The following MED12L variants were observed in gnomAD, a reference collection of about 807,000 sequenced individuals.
MED12L encodes the protein mediator complex subunit 12L.
MED12L carries 60 observed loss-of-function variants against 281.3 expected under a neutral mutation model. The observed-to-expected ratio is 0.21, with a 90% CI of 0.17 to 0.26. The LOEUF (loss-of-function observed/expected upper bound fraction) is 0.26. MED12L is among the 10% of genes least tolerant of loss of function. The probability of loss-of-function intolerance (pLI) is 1.00; values close to 1 mark genes in which losing one functional copy is unlikely to be tolerated. For synonymous variants in MED12L, 974 were observed against 987.2 expected (o/e 0.99, Z 0.25); for missense variants, 2,146 against 2,680.9 (o/e 0.80, Z 4.41).
At chr3:151,239,790 T>C (rs1371257488) in intron 16 of MED12L, among the ~76,000 whole-genome samples, 2 of 152,306 alleles carry the variant, frequency 1.3e-5, no homozygotes, top group Non-Finnish European at 2.9e-5. Flanking sequence ...TTGCTTGTTT[T>C]AGCACTCCAG....
intron 43 of MED12L, among the ~76,000 whole-genome samples, chr3:151,428,122 G>A (rs902358820): frequency 6.6e-6 from 1 of 152,178 alleles, no homozygotes; most frequent in Admixed American, 6.5e-5. Context: ...TGCATATTAG[G>A]AGTGTTTCTT....
At chr3:151,368,577 G>A (rs966021325) in intron 25 of MED12L, among the ~76,000 whole-genome samples, 2 of 136,492 alleles carry the variant, frequency 1.5e-5, no homozygotes, top group African/African-American at 5.4e-5. Flanking sequence ...GCAGCTTAGG[G>A]CAATGGTGAT....
chr3:151,413,193 T>G lies in MED12L; in HGVS notation c.6195T>G (p.Ala2065=), dbSNP rs768101917. The G allele has an allele frequency of 6.2e-7, 1 of 1,614,200 alleles. No individual in the cohort carries two copies. The highest frequency in any genetic ancestry group is 1.7e-5 in the Admixed American group (1 of 60,030). ...CTCTGGTGGGCGGGGGAATTGATGC[T>G]GTGCTGACTTCTGCACATCCAAACC... ...QSPLVGGGID[A]VLTSAHPNLP... The change falls in exon 42 of 45, where the codon GCT becomes GCG. Residue 2065 remains alanine, a synonymous_variant. Coordinates refer to ENST00000687756, the MANE Select transcript of MED12L (RefSeq NM_001393769.1).
intron 16 of MED12L, among the ~76,000 whole-genome samples, chr3:151,303,930 A>G (rs1746288756): frequency 1.3e-5 from 2 of 152,182 alleles, no homozygotes; most frequent in Non-Finnish European, 1.5e-5. Context: ...CATGTGAACC[A>G]AAAAGAGAGT....
At chr3:151,186,945 G>C (rs1221521901) in intron 12 of MED12L, among the ~76,000 whole-genome samples, 1 of 152,180 alleles carries the variant, frequency 6.6e-6, no homozygotes, top group African/African-American at 2.4e-5. Context: ...TGCATGACTG[G>C]ATGAGCCTTA....
intron 16 of MED12L, among the ~76,000 whole-genome samples, chr3:151,305,974 G>A (rs1746582675): frequency 6.6e-6 from 1 of 152,108 alleles, no homozygotes; most frequent in Admixed American, 6.5e-5. Flanking sequence ...TTCCTGATGG[G>A]GAAGTGAGCT....
intron 5 of MED12L, among the ~76,000 whole-genome samples, chr3:151,141,808 A>G (rs971419791): frequency 3.3e-5 from 5 of 152,136 alleles, no homozygotes; most frequent in East Asian, 1.9e-4. Flanking sequence ...TACTACTGTC[A>G]TTTCTTCTGG....
chr3:151,401,285 T>G lies in MED12L; in HGVS notation c.5820+6418T>G, dbSNP rs539986368. Among the ~76,000 whole-genome samples, 31 of 152,200 alleles carry G rather than the reference T, an allele frequency of 2.0e-4. No homozygotes were observed. The South Asian group carries it at 2.3e-3, about 11-fold the overall frequency. ...ATTTATTCAGTTTTTTTGTTTGTTTTTTTTTTTAACTGTTAACTGTTACAG... is the reference window on the plus strand; with the variant it reads ...ATTTATTCAGTTTTTTTGTTTGTTTGTTTTTTTAACTGTTAACTGTTACAG... On this transcript the variant is annotated intron_variant, in intron 39 of 44. Coordinates refer to ENST00000687756, the MANE Select transcript of MED12L (RefSeq NM_001393769.1).
intron 26 of MED12L, among the ~76,000 whole-genome samples, chr3:151,370,267 C>T (rs1756011592): frequency 6.6e-6 from 1 of 152,084 alleles, no homozygotes; most frequent in Admixed American, 6.5e-5. Flanking sequence ...AGTCAGACTG[C>T]CTAATTCCAA....
intron 17 of MED12L, among the ~76,000 whole-genome samples, chr3:151,352,201 A>G (rs1753318312): frequency 6.6e-6 from 1 of 152,062 alleles, no homozygotes; most frequent in South Asian, 2.1e-4. Context: ...CTACATTTTG[A>G]CTGTGACCTG....
intron 21 of MED12L, among the ~76,000 whole-genome samples, chr3:151,361,649 G>C (rs796431894): frequency 2.0e-5 from 3 of 152,006 alleles, no homozygotes; most frequent in African/African-American, 7.2e-5. Flanking sequence ...TCCAGAATTT[G>C]TATTGAATTA....
chr3:151,188,626 G>GTT, intron 13 of MED12L, 146 bp downstream of exon 13: 1 of 695,994 alleles, frequency 1.4e-6, no homozygotes, highest in East Asian at 2.8e-5. Context: ...TTTGTGGCAT[G>GTT]TTTTTTCATG....
rs755311235 is a variant in MED12L, at chr3:151,319,764, C to A, written c.2251-30295C>A. On this transcript the variant is annotated intron_variant, in intron 16 of 44. Coordinates refer to ENST00000687756, the MANE Select transcript of MED12L (RefSeq NM_001393769.1). ...ATTTATGAATCATCATGAAAAATGG[C>A]AAAATCTGCATAGCATAACTCTTTA... Among the ~76,000 whole-genome samples, 41 of 152,158 alleles carry A rather than the reference C, an allele frequency of 2.7e-4. No individual in the cohort carries two copies. The Middle Eastern group carries it at 0.017, about 63-fold the overall frequency.
intron 16 of MED12L, among the ~76,000 whole-genome samples, chr3:151,249,383 A>G (rs1736402245): frequency 1.3e-5 from 2 of 152,160 alleles, no homozygotes; most frequent in African/African-American, 4.8e-5. Flanking sequence ...GAAAACCAAA[A>G]AATATTTGAG....
At chr3:151,103,155 C>G (rs1333486019) in intron 2 of MED12L, among the ~76,000 whole-genome samples, 2 of 150,658 alleles carry the variant, frequency 1.3e-5, no homozygotes, top group Non-Finnish European at 2.9e-5. Flanking sequence ...TAATTCTGGG[C>G]AGAATAAACT....
At chr3:151,193,745 A>C in intron 16 of MED12L, 79 bp downstream of exon 16, 1 of 1,263,270 alleles carries the variant, frequency 7.9e-7, no homozygotes, top group Middle Eastern at 2.7e-4. Context: ...AGATTATTCA[A>C]CTGTATTCTT....
Position 151,354,658 on chromosome 3 carries a change from A to G in MED12L, c.2399-463A>G, listed in dbSNP as rs144421928. Among the ~76,000 whole-genome samples, 635 of 152,326 alleles carry G rather than the reference A, an allele frequency of 4.2e-3. 2 individuals are homozygous for G. The highest frequency in any genetic ancestry group is 7.9e-3 in the South Asian group (38 of 4,824). ...TTTTTATGATAGCTAAAATCTGGAA[A>G]CTACTCACTAGAATGGTTAAGTAAA... On this transcript the variant is annotated intron_variant, in intron 17 of 44. Transcript: ENST00000687756.
chr3:151,191,071 C>T (rs192688438), intron 14 of MED12L, 140 bp downstream of exon 14: 1 of 688,502 alleles, frequency 1.5e-6, no homozygotes. Flanking sequence ...ATCTCTACTT[C>T]TCGAGCAGGA....
intron 5 of MED12L, among the ~76,000 whole-genome samples, chr3:151,138,457 A>G (rs58864502): frequency 0.019 from 2,917 of 152,318 alleles, 108 homozygotes; most frequent in African/African-American, 0.066. Context: ...ATTGATTATT[A>G]TAAAAGTCAG....
Sources: allele counts gnomAD v4.1 joint callset (sites outside exome capture counted in the v4.1 genomes callset), GRCh38; gene constraint gnomAD v4.1.1; transcripts MANE v1.5; gene names NCBI Gene and HGNC (gene_info 2026-07-23, HGNC 2026-07-21).